The following NRP1 variants were observed in gnomAD, a reference collection of about 807,000 sequenced individuals.
NRP1 encodes the protein neuropilin 1, also known as neuropilin-1.
A neutral mutation model predicts 106.7 loss-of-function variants in NRP1; 35 were observed. That is an observed-to-expected ratio of 0.33 (90% CI 0.25 to 0.43). The LOEUF is 0.43. Ranked by LOEUF, NRP1 falls within the 20% of genes least tolerant of loss-of-function variation. NRP1 has a pLI of 1.00. For synonymous variants in NRP1, 437 were observed against 417.9 expected, an observed-to-expected ratio of 1.05 and a Z score of -0.56; for missense variants, 1,024 against 1,170.4, an observed-to-expected ratio of 0.87 and a Z score of 1.83.
intron 6 of NRP1, among the ~76,000 whole-genome samples, chr10:33,244,646 A>T (rs1212164232): frequency 6.6e-6 from 1 of 152,200 alleles, no homozygotes; most frequent in Non-Finnish European, 1.5e-5. Flanking sequence ...AGAAGTGGAA[A>T]CTTAATATTA....
Position 33,180,011 on chromosome 10 carries a change from G to A in NRP1, c.*65C>T. 1 of 1,520,058 alleles carries A rather than the reference G, an allele frequency of 6.6e-7. No homozygotes were observed. Among genetic ancestry groups the A allele is most frequent in the South Asian group, 1.2e-5 (1 of 80,790 alleles). 94.2% of individuals were successfully genotyped at this position (1,520,058 alleles called of 1,614,324 possible). A position where few individuals can be genotyped will look rare whatever the true frequency, so the allele number is the denominator to read the frequency against. ...CAGCCTGTATAGTGAAAGATCAACA[G>A]CTCCCCAGCTCACTCCCGTCCTTCC... On this transcript the variant is annotated 3_prime_UTR_variant, in exon 17 of 17. Coordinates refer to ENST00000374867, the MANE Select transcript of NRP1 (RefSeq NM_003873.7).
At chr10:33,291,102 C>A (rs1473993243) in intron 2 of NRP1, among the ~76,000 whole-genome samples, 1 of 152,156 alleles carries the variant, frequency 6.6e-6, no homozygotes, top group African/African-American at 2.4e-5. Context: ...CCGTAGGTGT[C>A]CACAGAAAGC....
chr10:33,263,569 T>A, intron 4 of NRP1, 77 bp downstream of exon 4: 1 of 1,038,646 alleles, frequency 9.6e-7, no homozygotes, highest in South Asian at 1.4e-5. Context: ...GATTCATGTA[T>A]CATGAGACTT....
intron 2 of NRP1, among the ~76,000 whole-genome samples, chr10:33,302,142 G>A (rs182469701): frequency 1.8e-4 from 27 of 152,232 alleles, no homozygotes; most frequent in Admixed American, 1.2e-3. Flanking sequence ...CAACGGAAAC[G>A]CAACTGAAGG....
intron 6 of NRP1, 145 bp from the exon 7 acceptor site, chr10:33,226,434 C>G (rs1002455457): frequency 1.1e-5 from 8 of 741,208 alleles, no homozygotes; most frequent in Non-Finnish European, 1.3e-5. Context: ...CAGTCCCTGA[C>G]TCCTCCCTTC....
Position 33,263,756 on chromosome 10 carries a change from G to A in NRP1, c.548C>T (p.Ser183Leu). 1 of 1,613,736 alleles carries A rather than the reference G, an allele frequency of 6.2e-7. No homozygotes were observed. The highest frequency in any genetic ancestry group is 8.5e-7 in the Non-Finnish European group (1 of 1,179,694). ...CTYIVFVPKM[S>L]EIILEFESFD... is the part of the protein sequence containing the mutation. The stretch of plus-strand genomic sequence containing the variant: ...GCTTTCAAATTCCAGGATAATCTCT[G>A]ACATCTTTGGCACAAAGACAATATA... Residue 183 changes from serine to leucine, a missense_variant, in exon 4 of 17, where the codon TCA (serine) becomes TTA (leucine). Ser to Leu is a moderately radical substitution (Grantham distance 145, BLOSUM62 -2). Around this residue, in one of 5 missense-constraint regions of NRP1, gnomAD observed 279 missense variants for 327.4 expected, o/e 0.85. Coordinates refer to ENST00000374867, the MANE Select transcript of NRP1 (RefSeq NM_003873.7).
At chr10:33,237,279 A>G (rs942377178) in intron 6 of NRP1, among the ~76,000 whole-genome samples, 1 of 152,162 alleles carries the variant, frequency 6.6e-6, no homozygotes, top group Non-Finnish European at 1.5e-5. Flanking sequence ...CTGAAAGTAA[A>G]AAGTGTCAGC....
intron 2 of NRP1, among the ~76,000 whole-genome samples, chr10:33,310,267 T>TC (rs1554809829): frequency 5.2e-4 from 73 of 140,322 alleles, no homozygotes; most frequent in African/African-American, 1.8e-3. Context: ...TTTTTTTTTT[T>TC]CGAGACAGAG....
intron 2 of NRP1, among the ~76,000 whole-genome samples, chr10:33,292,761 G>A (rs757415595): frequency 3.9e-5 from 6 of 152,216 alleles, no homozygotes; most frequent in Non-Finnish European, 8.8e-5. Flanking sequence ...GCCGAGGTGG[G>A]TGGGTTACCT....
At chr10:33,206,099 A>T (rs1837753069) in intron 10 of NRP1, 3 of 447,738 alleles carry the variant, frequency 6.7e-6, no homozygotes, top group East Asian at 5.7e-5. Context: ...AATTTTTGCA[A>T]GCGTGCTTTC....
Position 33,258,752 on chromosome 10 carries a change from CT to C in NRP1, c.659-2282del, listed in dbSNP as rs1049950049. On this transcript the variant is annotated intron_variant, in intron 4 of 16. Transcript: ENST00000374867. ...ATGTGGCCCTAGTAGTAATGCAACA[CT>C]TTTTTTTTCTTATCTCTGGAGCACG... Among the ~76,000 whole-genome samples, 40 of 151,690 alleles carry C rather than the reference CT, an allele frequency of 2.6e-4. No homozygotes were observed. The South Asian group carries it at 6.9e-3, about 26-fold the overall frequency.
intron 6 of NRP1, among the ~76,000 whole-genome samples, chr10:33,243,433 G>A (rs1437328606): frequency 1.3e-5 from 2 of 152,140 alleles, no homozygotes; most frequent in Non-Finnish European, 2.9e-5. Context: ...TGTCTGGTCC[G>A]ATCACCCATC....
chr10:33,252,847 G>A (rs1358917574), intron 6 of NRP1, among the ~76,000 whole-genome samples: 1 of 152,164 alleles, frequency 6.6e-6, no homozygotes, highest in Non-Finnish European at 1.5e-5. Flanking sequence ...GGAGGTTAGC[G>A]TGAGTTCAGT....
intron 11 of NRP1, chr10:33,202,592 A>C: frequency 6.9e-7 from 1 of 1,451,170 alleles, no homozygotes. Flanking sequence ...AAATAATGAA[A>C]ATAAGGATCG....
intron 11 of NRP1, chr10:33,201,656 A>C (rs1224632823): frequency 1.3e-5 from 2 of 152,214 alleles, no homozygotes; most frequent in African/African-American, 4.8e-5. Flanking sequence ...GCTTGTATAC[A>C]AGATTTGCAT....
intron 2 of NRP1, among the ~76,000 whole-genome samples, chr10:33,316,959 AAG>A (rs368135204): frequency 6.6e-6 from 1 of 152,172 alleles, no homozygotes; most frequent in Non-Finnish European, 1.5e-5. Flanking sequence ...AGTAATAAGA[AAG>A]AGAGAGAGAG....
At chr10:33,197,799 G>A (rs750198312) in intron 11 of NRP1, 90 bp from the exon 12 acceptor site, 4 of 657,390 alleles carry the variant, frequency 6.1e-6, no homozygotes, top group South Asian at 2.4e-5. Context: ...TCTATCAGAG[G>A]CAAATATTTT....
rs375051509 is a variant in NRP1 at position 33,185,778 on chromosome 10, T to C, written c.2335-54A>G. 47 of 1,420,110 alleles carry C rather than the reference T, an allele frequency of 3.3e-5. No homozygotes were observed. The African/African-American group carries it at 4.6e-4, about 14-fold the overall frequency. 88.0% of individuals were successfully genotyped at this position (1,420,110 alleles called of 1,614,324 possible). The stretch of plus-strand genomic sequence containing the variant: ...TTGAAATGCTCATCTCACATGGCAG[T>C]GTTTACAAATGCTTGTTCAGCTCCA... On this transcript the variant is annotated intron_variant, in intron 14 of 16. Coordinates refer to ENST00000374867, the MANE Select transcript of NRP1 (RefSeq NM_003873.7).
intron 2 of NRP1, among the ~76,000 whole-genome samples, chr10:33,309,746 G>T (rs1179798810): frequency 9.2e-5 from 14 of 152,170 alleles, no homozygotes; most frequent in Admixed American, 9.2e-4. Flanking sequence ...TTTTTCTCGA[G>T]ACATTTATTT....
Sources: allele counts gnomAD v4.1 joint callset (sites outside exome capture counted in the v4.1 genomes callset), GRCh38; gene constraint gnomAD v4.1.1; regional missense constraint gnomAD v4.1.1; transcripts MANE v1.5; gene names NCBI Gene and HGNC (gene_info 2026-07-23, HGNC 2026-07-21).